PIEZO2: variants seen among roughly 807,000 people sequenced by gnomAD.
PIEZO2 encodes the protein piezo type mechanosensitive ion channel component 2.
Under a neutral mutation model 337.3 loss-of-function variants are expected in PIEZO2, and 172 were observed. The observed-to-expected ratio is 0.51, with a 90% CI of 0.45 to 0.58. The LOEUF is 0.58. PIEZO2 is among the 20% of genes least tolerant of loss of function. The probability of loss-of-function intolerance (pLI) is 0.00; values close to 1 mark genes in which losing one functional copy is unlikely to be tolerated. For synonymous variants in PIEZO2, 1,251 were observed against 1,228.5 expected, an observed-to-expected ratio of 1.02 and a Z score of -0.38; for missense variants, 3,028 against 3,391.3, an observed-to-expected ratio of 0.89 and a Z score of 2.66.
At chr18:11,118,241 G>A (rs1353793486) in intron 1 of PIEZO2, among the ~76,000 whole-genome samples, 1 of 152,216 alleles carries the variant, frequency 6.6e-6, no homozygotes, top group East Asian at 1.9e-4. Flanking sequence ...TTGTTCCACA[G>A]TGCATGACCT....
intron 3 of PIEZO2, among the ~76,000 whole-genome samples, chr18:10,956,404 C>G (rs917216985): frequency 6.6e-6 from 1 of 151,938 alleles, no homozygotes; most frequent in Non-Finnish European, 1.5e-5. Context: ...GGAAAAATAT[C>G]CAATGTTCAT....
intron 11 of PIEZO2, among the ~76,000 whole-genome samples, chr18:10,799,639 C>T (rs2039733132): frequency 6.6e-6 from 1 of 152,146 alleles, no homozygotes; most frequent in Non-Finnish European, 1.5e-5. Context: ...AAAGTTAAGA[C>T]AACCTCGTTT....
Position 11,096,925 on chromosome 18 carries a change from T to C in PIEZO2, c.65-30703A>G, listed in dbSNP as rs992211534. Among the ~76,000 whole-genome samples, 5 of 152,180 alleles carry C rather than the reference T, an allele frequency of 3.3e-5. No individual in the cohort carries two copies. The highest frequency in any genetic ancestry group is 1.2e-4 in the African/African-American group (5 of 41,438). On this transcript the variant is annotated intron_variant, in intron 1 of 55. Coordinates refer to ENST00000674853, the MANE Select transcript of PIEZO2 (RefSeq NM_001378183.1). The surrounding 1 kb of genome is among the most constrained non-coding windows in gnomAD (Gnocchi z 4.6). ...TTCATCTGCAGCCCTCCAATCCCTATCCTGGAGAAGGAAGCTGGCACAAGA... is the reference window on the plus strand; with the variant it reads ...TTCATCTGCAGCCCTCCAATCCCTACCCTGGAGAAGGAAGCTGGCACAAGA...
At chr18:10,858,092 C>T (rs1480605661) in intron 5 of PIEZO2, among the ~76,000 whole-genome samples, 4 of 149,050 alleles carry the variant, frequency 2.7e-5, no homozygotes, top group East Asian at 3.9e-4. Flanking sequence ...GAGGCTGAGG[C>T]GGCCAGATCA....
chr18:10,768,249 T>C (rs1226528353), intron 21 of PIEZO2, among the ~76,000 whole-genome samples: 1 of 152,158 alleles, frequency 6.6e-6, no homozygotes, highest in Non-Finnish European at 1.5e-5. Flanking sequence ...TAAGTCACTG[T>C]AGGATTTTGT....
In PIEZO2 at chr18:10,859,253, T is replaced by C. The variant is rs990635105; in HGVS notation, c.493-2042A>G. Among the ~76,000 whole-genome samples the C allele has an allele frequency of 1.3e-5, 2 of 152,162 alleles. No individual in the cohort carries two copies. The highest frequency in any genetic ancestry group is 2.9e-5 in the Non-Finnish European group (2 of 68,018). On this transcript the variant is annotated intron_variant, in intron 5 of 55. Transcript: ENST00000674853. The surrounding 1 kb of genome is among the most constrained non-coding windows in gnomAD (Gnocchi z 4.9). ...AGAGCTGGTCCAAGGCTTGGTGGCATGTGCAGAAAGAGGGTAAGTGTCCCC... is the reference window on the plus strand; with the variant it reads ...AGAGCTGGTCCAAGGCTTGGTGGCACGTGCAGAAAGAGGGTAAGTGTCCCC...
Position 11,096,526 on chromosome 18 carries a change from T to TA in PIEZO2, c.65-30305dup, listed in dbSNP as rs1273432592. Among the ~76,000 whole-genome samples the TA allele has an allele frequency of 6.6e-6, 1 of 152,216 alleles. No homozygotes were observed. Among genetic ancestry groups the TA allele is most frequent in the East Asian group, 1.9e-4 (1 of 5,188 alleles). On this transcript the variant is annotated intron_variant, in intron 1 of 55. Coordinates refer to ENST00000674853, the MANE Select transcript of PIEZO2 (RefSeq NM_001378183.1). The surrounding 1 kb of genome is among the most constrained non-coding windows in gnomAD (Gnocchi z 4.6). ...TGATAAAACTGAAATGACGCTTTAC[T>TA]AAGCATTCTCTGTGGCCATTCCCAG...
At chr18:10,916,340 C>G (rs1236478515) in intron 3 of PIEZO2, among the ~76,000 whole-genome samples, 1 of 152,132 alleles carries the variant, frequency 6.6e-6, no homozygotes, top group Non-Finnish European at 1.5e-5. Context: ...TAGCAGGGGG[C>G]GGCGCCTGTA....
At chr18:11,123,845 C>G (rs1328073949) in intron 1 of PIEZO2, among the ~76,000 whole-genome samples, 1 of 151,828 alleles carries the variant, frequency 6.6e-6, no homozygotes, top group Non-Finnish European at 1.5e-5. Flanking sequence ...AAGTTAATCT[C>G]TATACATTGC....
chr18:10,826,078 A>T (rs555547806), intron 7 of PIEZO2, among the ~76,000 whole-genome samples: 4 of 152,200 alleles, frequency 2.6e-5, no homozygotes, highest in Non-Finnish European at 4.4e-5. Flanking sequence ...TCCTCAAATT[A>T]TTCCATCTTT....
At position 10,942,738 on chromosome 18, in the gene PIEZO2, C is replaced by T. The variant is rs1300462364; in HGVS notation, c.287-31510G>A. ...AAGTAATGAAGAGCCAAATATTAAT[C>T]CCCAAGACAATGGGAAAAATGTCTC... On this transcript the variant is annotated intron_variant, in intron 3 of 55. Transcript: ENST00000674853. This position sits in a 1 kb window ranked among gnomAD's most constrained non-coding sequence, Gnocchi z 4.4. Among the ~76,000 whole-genome samples, 1 of 152,188 alleles carries T rather than the reference C, an allele frequency of 6.6e-6. No individual in the cohort carries two copies. Among genetic ancestry groups the T allele is most frequent in the African/African-American group, 2.4e-5 (1 of 41,438 alleles).
At chr18:11,134,448 G>C (rs896932256) in intron 1 of PIEZO2, among the ~76,000 whole-genome samples, 2 of 152,314 alleles carry the variant, frequency 1.3e-5, no homozygotes, top group African/African-American at 4.8e-5. Context: ...GGCTGTGACA[G>C]TGACCACCCA....
At chr18:11,066,266 A>C in intron 1 of PIEZO2, 44 bp from the exon 2 acceptor site, 1 of 1,477,194 alleles carries the variant, frequency 6.8e-7, no homozygotes, top group Non-Finnish European at 9.1e-7. Flanking sequence ...TCATTAACAA[A>C]GGCAGGTTGA....
intron 3 of PIEZO2, among the ~76,000 whole-genome samples, chr18:10,930,537 C>A (rs1413254131): frequency 1.3e-5 from 2 of 152,208 alleles, no homozygotes; most frequent in Non-Finnish European, 2.9e-5. Flanking sequence ...AAGCTGTAAC[C>A]TAACCAGTTT....
chr18:11,122,998 C>G (rs35931325), intron 1 of PIEZO2, among the ~76,000 whole-genome samples: 1 of 151,004 alleles, frequency 6.6e-6, no homozygotes, highest in Non-Finnish European at 1.5e-5. Context: ...TAATGTGCGG[C>G]TTTTTCCCAA....
intron 3 of PIEZO2, among the ~76,000 whole-genome samples, chr18:10,944,120 A>AT (rs1820776725): frequency 6.6e-6 from 1 of 152,162 alleles, no homozygotes; most frequent in East Asian, 1.9e-4. Flanking sequence ...ACAAATGAGG[A>AT]TTTTTTAAAC....
chr18:10,696,740 T>C (rs911350702), intron 45 of PIEZO2, among the ~76,000 whole-genome samples: 3 of 152,236 alleles, frequency 2.0e-5, no homozygotes, highest in Non-Finnish European at 4.4e-5. Flanking sequence ...ACTGCCAAGA[T>C]AGGTACTGCA....
intron 4 of PIEZO2, among the ~76,000 whole-genome samples, chr18:10,886,378 GTGTA>G (rs1333870260): frequency 0.01 from 32 of 3,172 alleles, no homozygotes; most frequent in South Asian, 0.042. Flanking sequence ...ATGTGTGTGT[GTGTA>G]TATATATATA....
chr18:11,053,025 T>C (rs913315464), intron 2 of PIEZO2, among the ~76,000 whole-genome samples: 4 of 152,206 alleles, frequency 2.6e-5, no homozygotes, highest in African/African-American at 9.6e-5. Flanking sequence ...TGAGTGTGGC[T>C]CACCCATGCA....
Sources: gnomAD v4.1 joint callset for allele counts (sites outside exome capture counted in the v4.1 genomes callset) on GRCh38, gnomAD v4.1.1 for gene constraint, Gnocchi (gnomAD v3.1) non-coding constraint, MANE v1.5 for transcripts, NCBI Gene and HGNC (gene_info 2026-07-23, HGNC 2026-07-21) for gene names.